Variants in SLC44A1 observed in about 807,000 individuals in gnomAD.
SLC44A1 encodes solute carrier family 44 member 1.
SLC44A1 carries 26 observed loss-of-function variants against 79.3 expected under a neutral mutation model. That is an observed-to-expected ratio of 0.33 (90% CI 0.24 to 0.46). SLC44A1 has a LOEUF of 0.46. Among genes scored for constraint, SLC44A1 ranks in the 20% least tolerant of loss-of-function variants. The pLI, the probability that SLC44A1 is intolerant of heterozygous loss-of-function variation, is 1.00. For synonymous variants in SLC44A1, 263 were observed against 286.2 expected, an observed-to-expected ratio of 0.92 and a Z score of 0.82; for missense variants, 688 against 798.1, an observed-to-expected ratio of 0.86 and a Z score of 1.66.
At chr9:105,277,135 T>A (rs1830225382) in intron 1 of SLC44A1, among the ~76,000 whole-genome samples, 1 of 152,230 alleles carries the variant, frequency 6.6e-6, no homozygotes, top group Non-Finnish European at 1.5e-5. Context: ...ACTGGATAGA[T>A]GCTGTGAGAA....
At chr9:105,314,428 C>T (rs938393042) in intron 3 of SLC44A1, among the ~76,000 whole-genome samples, 1 of 152,226 alleles carries the variant, frequency 6.6e-6, no homozygotes, top group Non-Finnish European at 1.5e-5. Flanking sequence ...ACTTTTCCCT[C>T]ATTCTTCAAA....
chr9:105,383,433 A>T, intron 14 of SLC44A1, 74 bp downstream of exon 14: 1 of 860,038 alleles, frequency 1.2e-6, no homozygotes, highest in Non-Finnish European at 1.9e-6. Context: ...AACATTCTCT[A>T]TATTTAATTC....
At position 105,395,950 on chromosome 9, in the gene SLC44A1, T is replaced by C; in HGVS notation, c.*6894T>C. 1.0e-6 allele frequency: 1 copy of C among 981,528 alleles called. No homozygotes were observed. The highest frequency in any genetic ancestry group is 1.2e-6 in the Non-Finnish European group (1 of 827,218). 60.8% of individuals were successfully genotyped at this position (981,528 alleles called of 1,614,324 possible). ...TAGATACCCCACAGGAATGTGACAA[T>C]AATAGGATAGCTTTGGGGGCTGGTG... On this transcript the variant is annotated 3_prime_UTR_variant, in exon 16 of 16. Coordinates refer to ENST00000374720, the MANE Select transcript of SLC44A1 (RefSeq NM_080546.5).
intron 5 of SLC44A1, 97 bp downstream of exon 5, chr9:105,348,548 C>G: frequency 1.3e-6 from 1 of 765,606 alleles, no homozygotes; most frequent in Non-Finnish European, 2.3e-6. Context: ...CATTTGATAC[C>G]TGTTGGCCAG....
Position 105,331,589 on chromosome 9 carries a change from C to T in SLC44A1, c.270-3974C>T, listed in dbSNP as rs1826751108. ...GCAAGAAAGTGCAGTTTTAATAAATCATAAATTGGTTTGATACAAGCACTT... is the reference window on the plus strand; with the variant it reads ...GCAAGAAAGTGCAGTTTTAATAAATTATAAATTGGTTTGATACAAGCACTT... On this transcript the variant is annotated intron_variant, in intron 3 of 15. Transcript: ENST00000374720. Among the ~76,000 whole-genome samples the T allele has an allele frequency of 2.0e-5, 3 of 152,156 alleles. No homozygotes were observed. The South Asian group carries it at 6.2e-4, about 32-fold the overall frequency.
intron 15 of SLC44A1, among the ~76,000 whole-genome samples, chr9:105,436,005 C>G (rs1217780378): frequency 6.6e-6 from 1 of 152,194 alleles, no homozygotes; most frequent in Non-Finnish European, 1.5e-5. Context: ...TGTGACCAGC[C>G]TGGCCAATAT....
intron 1 of SLC44A1, among the ~76,000 whole-genome samples, chr9:105,271,592 G>C (rs891946019): frequency 6.6e-6 from 1 of 152,096 alleles, no homozygotes; most frequent in South Asian, 2.1e-4. Flanking sequence ...GTGAAGTCTG[G>C]CCAGAAAGGT....
In SLC44A1 at chr9:105,395,739, A is replaced by G; in HGVS notation, c.*6683A>G. 1 of 985,152 alleles carries G rather than the reference A, an allele frequency of 1.0e-6. No homozygotes were observed. The highest frequency in any genetic ancestry group is 6.1e-5 in the Admixed American group (1 of 16,282). The allele number at this position is 985,152 out of a possible 1,614,324, so 61.0% of individuals were successfully genotyped here. On this transcript the variant is annotated 3_prime_UTR_variant, in exon 16 of 16. Coordinates refer to ENST00000374720, the MANE Select transcript of SLC44A1 (RefSeq NM_080546.5). ...GGATTATAATTTGAACTGTCGTTTC[A>G]GGAGCATGTGTTAAATCATATGAGT...
intron 13 of SLC44A1, among the ~76,000 whole-genome samples, chr9:105,382,015 A>C (rs906082165): frequency 8.5e-5 from 13 of 152,198 alleles, no homozygotes; most frequent in Admixed American, 3.9e-4. Context: ...GCTGGGAAAG[A>C]GTGTGTCTAG....
downstream of SLC44A1, among the ~76,000 whole-genome samples, chr9:105,399,496 ACACAC>A (rs1828928500): frequency 6.9e-6 from 1 of 144,878 alleles, no homozygotes; most frequent in Admixed American, 7.3e-5. Flanking sequence ...TAACACACAC[ACACAC>A]AAGTTGTGTA....
chr9:105,286,517 T>C (rs914946070), intron 1 of SLC44A1, among the ~76,000 whole-genome samples: 1 of 152,258 alleles, frequency 6.6e-6, no homozygotes, highest in Non-Finnish European at 1.5e-5. Context: ...TATGATTTAG[T>C]GTTACACAGT....
At chr9:105,283,467 G>A (rs993374720) in intron 1 of SLC44A1, among the ~76,000 whole-genome samples, 2 of 152,118 alleles carry the variant, frequency 1.3e-5, no homozygotes, top group Non-Finnish European at 2.9e-5. Flanking sequence ...TGGGGCTTTG[G>A]AGACTTAGAA....
intron 15 of SLC44A1, among the ~76,000 whole-genome samples, chr9:105,434,052 T>C (rs1358420045): frequency 2.0e-5 from 3 of 152,136 alleles, no homozygotes; most frequent in South Asian, 2.1e-4. Flanking sequence ...ACTAGTTTGC[T>C]ATTTAGGCTG....
In SLC44A1 at chr9:105,395,122, G is replaced by A. The variant is rs1057251900; in HGVS notation, c.*6066G>A. The A allele has an allele frequency of 1.1e-5, 11 of 985,352 alleles. No individual in the cohort carries two copies. Among genetic ancestry groups the A allele is most frequent in the Non-Finnish European group, 1.3e-5 (11 of 829,968 alleles). 61.0% of individuals were successfully genotyped at this position (985,352 alleles called of 1,614,324 possible). On this transcript the variant is annotated 3_prime_UTR_variant, in exon 16 of 16. Transcript: ENST00000374720. Reference sequence around the variant, plus strand: ...AAACCATTTCCTACTTTTTCAGGCTGAAGAAAGTGGAAATATAACTGGCTG... The same window carrying A: ...AAACCATTTCCTACTTTTTCAGGCTAAAGAAAGTGGAAATATAACTGGCTG...
intron 13 of SLC44A1, among the ~76,000 whole-genome samples, chr9:105,375,738 A>G (rs1224340222): frequency 2.0e-5 from 3 of 152,204 alleles, no homozygotes; most frequent in Non-Finnish European, 2.9e-5. Context: ...ATTTTATTCT[A>G]TACTATTAAA....
At chr9:105,367,737 C>T (rs540424244) in intron 12 of SLC44A1, among the ~76,000 whole-genome samples, 140 of 152,248 alleles carry the variant, frequency 9.2e-4, no homozygotes, top group Non-Finnish European at 1.9e-3. Flanking sequence ...TCTGCCTGAG[C>T]GTCACCTCCA....
intron 15 of SLC44A1, among the ~76,000 whole-genome samples, chr9:105,414,220 C>T (rs1295324825): frequency 6.6e-6 from 1 of 152,048 alleles, no homozygotes; most frequent in African/African-American, 2.4e-5. Context: ...GCCCACCATG[C>T]CTGGCTAATT....
At chr9:105,335,826 G>A (rs1242208755) in intron 4 of SLC44A1, 127 bp downstream of exon 4, 3 of 929,384 alleles carry the variant, frequency 3.2e-6, no homozygotes, top group Non-Finnish European at 4.7e-6. Context: ...GGACTTCCTT[G>A]CTAAAAAATA....
chr9:105,261,350 T>C (rs1829834510), intron 1 of SLC44A1, among the ~76,000 whole-genome samples: 3 of 152,182 alleles, frequency 2.0e-5, no homozygotes, highest in Admixed American at 6.5e-5. Context: ...AACACACCTC[T>C]TGTTTCTGGC....
Sources: gnomAD v4.1 joint callset for allele counts (sites outside exome capture counted in the v4.1 genomes callset) on GRCh38, gnomAD v4.1.1 for gene constraint, MANE v1.5 for transcripts, NCBI Gene and HGNC (gene_info 2026-07-23, HGNC 2026-07-21) for gene names.